The following CRKL variants were observed in gnomAD, a reference collection of about 807,000 sequenced individuals.
The protein encoded by CRKL is CRK like proto-oncogene, adaptor protein.
A neutral mutation model predicts 23.0 loss-of-function variants in CRKL; 3 were observed. That is an observed-to-expected ratio of 0.13 (90% CI 0.06 to 0.34). The LOEUF is 0.34. Ranked by LOEUF, CRKL falls within the 10% of genes least tolerant of loss-of-function variation. The probability of loss-of-function intolerance (pLI) is 1.00; values close to 1 mark genes in which losing one functional copy is unlikely to be tolerated. For synonymous variants in CRKL, 188 were observed against 160.7 expected, an observed-to-expected ratio of 1.17 and a Z score of -1.28; for missense variants, 256 against 394.5, an observed-to-expected ratio of 0.65 and a Z score of 2.97.
intron 1 of CRKL, among the ~76,000 whole-genome samples, chr22:20,930,092 T>C (rs1340905188): frequency 1.3e-5 from 2 of 152,102 alleles, no homozygotes; most frequent in Non-Finnish European, 2.9e-5. Flanking sequence ...ACACAGAAAA[T>C]GAGCCCCAAG....
intron 1 of CRKL, among the ~76,000 whole-genome samples, chr22:20,921,484 G>A (rs1920993041): frequency 7.8e-6 from 1 of 128,872 alleles, no homozygotes; most frequent in Non-Finnish European, 1.7e-5. Context: ...AGACTGAAAA[G>A]TAGAAAAATA....
At chr22:20,930,276 T>C (rs1427317119) in intron 1 of CRKL, among the ~76,000 whole-genome samples, 1 of 152,214 alleles carries the variant, frequency 6.6e-6, no homozygotes, top group Non-Finnish European at 1.5e-5. Context: ...AGATTTTAAA[T>C]ATTTTCAGCT....
At chr22:20,941,668 C>A (rs1002688376) in intron 2 of CRKL, among the ~76,000 whole-genome samples, 4 of 138,234 alleles carry the variant, frequency 2.9e-5, no homozygotes, top group Non-Finnish European at 6.1e-5. Context: ...GATATCAGCT[C>A]ACTGCAACCT....
chr22:20,927,580 C>T (rs1014956815), intron 1 of CRKL, among the ~76,000 whole-genome samples: 1 of 148,314 alleles, frequency 6.7e-6, no homozygotes, highest in African/African-American at 2.5e-5. Flanking sequence ...CCGTGGCTCA[C>T]GCCTGTAATC....
At chr22:20,936,626 C>T (rs1421624960) in intron 2 of CRKL, among the ~76,000 whole-genome samples, 1 of 152,178 alleles carries the variant, frequency 6.6e-6, no homozygotes, top group African/African-American at 2.4e-5. Flanking sequence ...GCTGGGATTA[C>T]AGGCGTGAGC....
At chr22:20,933,212 T>C (rs1319641456) in intron 1 of CRKL, among the ~76,000 whole-genome samples, 1 of 149,510 alleles carries the variant, frequency 6.7e-6, no homozygotes, top group African/African-American at 2.5e-5. Context: ...CTACTAAAAA[T>C]AGAAAAAATT....
rs1929745778 is a variant in CRKL at position 20,917,822 on chromosome 22, G to C, written c.-113G>C. On this transcript the variant is annotated 5_prime_UTR_variant, in exon 1 of 3. Transcript: ENST00000354336. ...TGGCCCAGCCCTCTGAGCGCTCCTC[G>C]AGGTGTGCGAGAGGCCCTTCCTCGG... is the stretch of plus-strand genomic sequence containing the variant. The C allele has an allele frequency of 3.9e-6, 4 of 1,033,610 alleles. No individual in the cohort carries two copies. The highest frequency in any genetic ancestry group is 5.5e-6 in the Non-Finnish European group (4 of 721,408). 64.0% of individuals were successfully genotyped at this position (1,033,610 alleles called of 1,614,324 possible). A position where few individuals can be genotyped will look rare whatever the true frequency, so the allele number is the denominator to read the frequency against.
At chr22:20,942,055 G>T (rs1455612131) in intron 2 of CRKL, among the ~76,000 whole-genome samples, 1 of 152,136 alleles carries the variant, frequency 6.6e-6, no homozygotes, top group East Asian at 1.9e-4. Flanking sequence ...ACAGAGAGAA[G>T]TTTATTCTCA....
intron 2 of CRKL, among the ~76,000 whole-genome samples, chr22:20,935,227 C>G (rs1384615794): frequency 6.6e-6 from 1 of 152,164 alleles, no homozygotes; most frequent in African/African-American, 2.4e-5. Context: ...ATTATCCTGC[C>G]TCAGCCTCCT....
Position 20,933,875 on chromosome 22 carries a change from G to A in CRKL, c.408G>A (p.Gly136=), listed in dbSNP as rs2147904779. 1.2e-6 allele frequency: 2 copies of A among 1,614,094 alleles called. No homozygotes were observed. The highest frequency in any genetic ancestry group is 1.1e-5 in the South Asian group (1 of 91,066). Residue 136 remains glycine, a synonymous_variant, in exon 2 of 3, where the codon GGG becomes GGA. Coordinates refer to ENST00000354336, the MANE Select transcript of CRKL (RefSeq NM_005207.4). ...TACGGACTCTGTATGATTTTCCTGGGAATGATGCCGAAGACCTGCCCTTTA... is the reference window on the plus strand; with the variant it reads ...TACGGACTCTGTATGATTTTCCTGGAAATGATGCCGAAGACCTGCCCTTTA... ...EYVRTLYDFP[G]NDAEDLPFKK...
chr22:20,929,697 A>G (rs543165324), intron 1 of CRKL, among the ~76,000 whole-genome samples: 37 of 151,940 alleles, frequency 2.4e-4, no homozygotes, highest in African/African-American at 8.4e-4. Flanking sequence ...TCCTGACCTC[A>G]TGATCCACCT....
chr22:20,925,832 A>G (rs931797905), intron 1 of CRKL, among the ~76,000 whole-genome samples: 1 of 152,238 alleles, frequency 6.6e-6, no homozygotes, highest in Admixed American at 6.5e-5. Flanking sequence ...AGAAACAAAA[A>G]AGGAGGGAAA....
chr22:20,929,786 T>TG (rs1238893340), intron 1 of CRKL, among the ~76,000 whole-genome samples: 3 of 152,090 alleles, frequency 2.0e-5, no homozygotes, highest in Non-Finnish European at 4.4e-5. Context: ...AAAGGGAAGT[T>TG]GGGGGAGGGT....
At chr22:20,930,590 C>T (rs1805383690) in intron 1 of CRKL, among the ~76,000 whole-genome samples, 1 of 150,170 alleles carries the variant, frequency 6.7e-6, no homozygotes, top group Non-Finnish European at 1.5e-5. Flanking sequence ...TCATGTTGGC[C>T]AGGTTGGTCT....
intron 1 of CRKL, among the ~76,000 whole-genome samples, chr22:20,923,996 T>C (rs548130747): frequency 1.3e-5 from 2 of 151,936 alleles, no homozygotes; most frequent in South Asian, 4.2e-4. Flanking sequence ...AGACCAGCCC[T>C]GGCAAGATAG....
In CRKL at chr22:20,952,890, G is replaced by A. The variant is rs755829987; in HGVS notation, c.*3045G>A. The A allele has an allele frequency of 1.3e-5, 3 of 231,128 alleles. No individual in the cohort carries two copies. Among genetic ancestry groups the A allele is most frequent in the South Asian group, 1.8e-4 (1 of 5,494 alleles). The allele number at this position is 231,128 out of a possible 1,614,324, so 14.3% of individuals were successfully genotyped here. On this transcript the variant is annotated 3_prime_UTR_variant, in exon 3 of 3. Transcript: ENST00000354336. ...GAAGACGATGTGTTGACCGGCTGCCGTTTGAGGACTTTGGTCACCCAGACT... is the reference window on the plus strand; with the variant it reads ...GAAGACGATGTGTTGACCGGCTGCCATTTGAGGACTTTGGTCACCCAGACT...
At position 20,953,023 on chromosome 22, in the gene CRKL, T is replaced by C. The variant is rs954815139; in HGVS notation, c.*3178T>C. ...GTGCTAGCTTTCCTTTACAGCTGTT[T>C]ACAGACAAGGCAGGCCTGAGGCAGA... On this transcript the variant is annotated 3_prime_UTR_variant, in exon 3 of 3. Coordinates refer to ENST00000354336, the MANE Select transcript of CRKL (RefSeq NM_005207.4). The C allele has an allele frequency of 8.6e-6, 2 of 232,056 alleles. No individual in the cohort carries two copies. The highest frequency in any genetic ancestry group is 1.7e-5 in the Non-Finnish European group (2 of 117,078). 14.4% of individuals were successfully genotyped at this position (232,056 alleles called of 1,614,324 possible). A position where few individuals can be genotyped will look rare whatever the true frequency, so the allele number is the denominator to read the frequency against.
Position 20,929,515 on chromosome 22 carries a change from G to T in CRKL, c.312-4264G>T, listed in dbSNP as rs558421092. On this transcript the variant is annotated intron_variant, in intron 1 of 2. Coordinates refer to ENST00000354336, the MANE Select transcript of CRKL (RefSeq NM_005207.4). Reference sequence around the variant, plus strand: ...ATCTCTGTCTGTCGCCCAGGCTGGAGTGCAGTGGCATGATCTCAGCTCACT... The same window carrying T: ...ATCTCTGTCTGTCGCCCAGGCTGGATTGCAGTGGCATGATCTCAGCTCACT... 6.6e-5 allele frequency among the ~76,000 whole-genome samples: 10 copies of T among 151,662 alleles called. No homozygotes were observed. The East Asian group carries it at 1.9e-3, about 29-fold the overall frequency.
At chr22:20,926,642 G>A (rs907791994) in intron 1 of CRKL, among the ~76,000 whole-genome samples, 11 of 152,108 alleles carry the variant, frequency 7.2e-5, no homozygotes, top group African/African-American at 2.7e-4. Context: ...TTTGGGAATC[G>A]CAGCTTAGAT....
Sources: allele counts gnomAD v4.1 joint callset (sites outside exome capture counted in the v4.1 genomes callset), GRCh38; gene constraint gnomAD v4.1.1; transcripts MANE v1.5; gene names NCBI Gene and HGNC (gene_info 2026-07-23, HGNC 2026-07-21).